ERC1: variants seen among roughly 807,000 people sequenced by gnomAD.
ERC1 encodes ELKS/RAB6-interacting/CAST family member 1.
Under a neutral mutation model 132.0 loss-of-function variants are expected in ERC1, and 56 were observed. The ratio of observed to expected loss-of-function variants is 0.42; its 90% CI spans 0.34 to 0.53. The LOEUF (loss-of-function observed/expected upper bound fraction) is 0.53, where lower values mean the gene tolerates loss of function less well. Ranked by LOEUF, ERC1 falls within the 20% of genes least tolerant of loss-of-function variation. The probability of loss-of-function intolerance (pLI) is 0.03; values close to 1 mark genes in which losing one functional copy is unlikely to be tolerated. For missense variants in ERC1, 1,202 were observed against 1,349.9 expected (o/e 0.89, Z 1.72); for synonymous variants, 478 against 476.1 (o/e 1.00, Z -0.05).
intron 11 of ERC1, among the ~76,000 whole-genome samples, chr12:1,184,827 A>T (rs1954889060): frequency 6.6e-6 from 1 of 152,104 alleles, no homozygotes; most frequent in African/African-American, 2.4e-5. Context: ...ATCATAGTTT[A>T]CTGTGACTTC....
intron 13 of ERC1, among the ~76,000 whole-genome samples, chr12:1,258,872 T>C (rs1165597639): frequency 6.6e-6 from 1 of 152,220 alleles, no homozygotes; most frequent in Non-Finnish European, 1.5e-5. Context: ...TGTTTTGTTC[T>C]CTTTACCTTT....
At chr12:1,390,543 A>C (rs933492130) in intron 16 of ERC1, 4 of 152,216 alleles carry the variant, frequency 2.6e-5, no homozygotes, top group African/African-American at 9.6e-5. Context: ...TGGGACAAAG[A>C]ATGAATTTTT....
At chr12:1,366,912 C>G (rs1591563890) in intron 15 of ERC1, among the ~76,000 whole-genome samples, 1 of 152,086 alleles carries the variant, frequency 6.6e-6, no homozygotes, top group Non-Finnish European at 1.5e-5. Context: ...TAAACATGAC[C>G]TGCAGAGGAC....
chr12:1,105,452 G>A (rs975401500), intron 4 of ERC1, among the ~76,000 whole-genome samples: 1 of 152,012 alleles, frequency 6.6e-6, no homozygotes, highest in East Asian at 1.9e-4. Flanking sequence ...CCGTCTCCCG[G>A]GTTCACGCCA....
intron 15 of ERC1, among the ~76,000 whole-genome samples, chr12:1,346,714 G>A (rs552592488): frequency 8.6e-5 from 13 of 151,572 alleles, no homozygotes; most frequent in Admixed American, 3.9e-4. Context: ...AGGCCGAGGC[G>A]GGTGGATCAT....
intron 15 of ERC1, among the ~76,000 whole-genome samples, chr12:1,319,855 C>A (rs769502821): frequency 1.3e-5 from 2 of 152,040 alleles, no homozygotes; most frequent in Non-Finnish European, 2.9e-5. Flanking sequence ...TTCAAAGTAC[C>A]TAAAGCTATG....
At chr12:1,195,413 T>C (rs1001460247) in intron 12 of ERC1, among the ~76,000 whole-genome samples, 1 of 152,200 alleles carries the variant, frequency 6.6e-6, no homozygotes, top group Non-Finnish European at 1.5e-5. Context: ...TATGTGTAAT[T>C]CCCTATTTCC....
chr12:1,238,033 A>G (rs1235792556), intron 13 of ERC1, among the ~76,000 whole-genome samples: 1 of 152,154 alleles, frequency 6.6e-6, no homozygotes, highest in African/African-American at 2.4e-5. Context: ...TTTACTGATT[A>G]TGTTTATAGA....
intron 15 of ERC1, among the ~76,000 whole-genome samples, chr12:1,320,501 C>T (rs906893493): frequency 2.0e-5 from 3 of 152,136 alleles, no homozygotes; most frequent in African/African-American, 7.2e-5. Flanking sequence ...CATTAATGAA[C>T]ATTTAAGTTA....
chr12:1,487,809 CGAGA>C (rs1555132933), intron 18 of ERC1, among the ~76,000 whole-genome samples: 12 of 145,644 alleles, frequency 8.2e-5, no homozygotes, highest in African/African-American at 2.6e-4. Context: ...AGAAAAGAAA[CGAGA>C]GAGAGAGAGA....
rs57661979 is a variant in ERC1, at chr12:1,424,864, C to CGATAGATA, written c.3024+16658_3024+16665dup. On this transcript the variant is annotated intron_variant, in intron 17 of 18. Transcript: ENST00000360905. ...ATAGATGATAGATAGATAGATAGAT[C>CGATAGATA]GATAGATAGATAGATAGATAGATAG... Among the ~76,000 whole-genome samples, 655 of 100,572 alleles carry CGATAGATA rather than the reference C, an allele frequency of 6.5e-3. 6 individuals are homozygous for CGATAGATA. Among genetic ancestry groups the CGATAGATA allele is most frequent in the African/African-American group, 6.8e-3 (180 of 26,498 alleles). The allele number at this position is 100,572 out of a possible 152,430, so 66.0% of individuals were successfully genotyped here. A position where few individuals can be genotyped will look rare whatever the true frequency, so the allele number is the denominator to read the frequency against.
chr12:1,157,220 C>T (rs1951486082), intron 8 of ERC1, among the ~76,000 whole-genome samples: 2 of 152,242 alleles, frequency 1.3e-5, no homozygotes, highest in Admixed American at 6.5e-5. Flanking sequence ...CCTTCCACCT[C>T]AGACTCTCGA....
chr12:1,349,124 C>T (rs1229040880), intron 15 of ERC1, among the ~76,000 whole-genome samples: 1 of 152,122 alleles, frequency 6.6e-6, no homozygotes, highest in Non-Finnish European at 1.5e-5. Flanking sequence ...AACAAGTAGA[C>T]GTCTATTGAA....
At chr12:1,429,815 A>G (rs888099113) in intron 17 of ERC1, among the ~76,000 whole-genome samples, 3 of 152,262 alleles carry the variant, frequency 2.0e-5, no homozygotes, top group African/African-American at 7.2e-5. Context: ...ATATAGAAGC[A>G]TAAGCAGCAT....
At chr12:1,481,355 A>T (rs1456693198) in intron 18 of ERC1, among the ~76,000 whole-genome samples, 1 of 152,378 alleles carries the variant, frequency 6.6e-6, no homozygotes. Flanking sequence ...TTTCCTAAGC[A>T]ATCTAAAAGT....
intron 15 of ERC1, among the ~76,000 whole-genome samples, chr12:1,321,066 G>A (rs149788808): frequency 6.6e-6 from 1 of 152,318 alleles, no homozygotes; most frequent in Non-Finnish European, 1.5e-5. Flanking sequence ...GTTTACAAGG[G>A]GAAGGGTATA....
At chr12:1,076,342 G>A (rs1429984804) in intron 2 of ERC1, among the ~76,000 whole-genome samples, 1 of 151,156 alleles carries the variant, frequency 6.6e-6, no homozygotes, top group African/African-American at 2.4e-5. Context: ...TGGCCAGTTG[G>A]GATTTAAGAA....
At chr12:1,367,248 T>C (rs2086748788) in intron 15 of ERC1, among the ~76,000 whole-genome samples, 1 of 152,204 alleles carries the variant, frequency 6.6e-6, no homozygotes, top group South Asian at 2.1e-4. Context: ...ATCTTAAAAT[T>C]AGAGTAAATT....
chr12:1,153,337 T>C (rs892420052), intron 8 of ERC1, among the ~76,000 whole-genome samples: 1 of 152,270 alleles, frequency 6.6e-6, no homozygotes, highest in Non-Finnish European at 1.5e-5. Flanking sequence ...ATCACAGCAC[T>C]GTGGGCAAAG....
Sources: allele counts gnomAD v4.1 joint callset (sites outside exome capture counted in the v4.1 genomes callset), GRCh38; gene constraint gnomAD v4.1.1; transcripts MANE v1.5; gene names NCBI Gene and HGNC (gene_info 2026-07-23, HGNC 2026-07-21).